Variants in DGKD observed in about 807,000 individuals in gnomAD.
DGKD encodes diacylglycerol kinase delta, also known as DAG kinase delta.
A neutral mutation model predicts 154.4 loss-of-function variants in DGKD; 68 were observed. The ratio of observed to expected loss-of-function variants is 0.44; its 90% CI spans 0.36 to 0.54. The LOEUF is 0.54. DGKD is among the 20% of genes least tolerant of loss of function. The probability of loss-of-function intolerance (pLI) is 0.00; values close to 1 mark genes in which losing one functional copy is unlikely to be tolerated. For synonymous variants in DGKD, 693 were observed against 638.0 expected (o/e 1.09, Z -1.30); for missense variants, 1,343 against 1,593.6 (o/e 0.84, Z 2.68).
At chr2:233,387,079 A>G (rs1703228268) in intron 1 of DGKD, among the ~76,000 whole-genome samples, 1 of 152,226 alleles carries the variant, frequency 6.6e-6, no homozygotes, top group Admixed American at 6.5e-5. Context: ...GGTGGATGGA[A>G]CAGGCAGCGC....
At chr2:233,432,117 C>T (rs781164145) in intron 3 of DGKD, among the ~76,000 whole-genome samples, 2 of 144,086 alleles carry the variant, frequency 1.4e-5, no homozygotes, top group Non-Finnish European at 2.9e-5. Flanking sequence ...AACTGCCAGG[C>T]GTGGTGGCTC....
At chr2:233,448,433 C>T (rs1338092143) in intron 14 of DGKD, 58 bp downstream of exon 14, 45 of 1,526,712 alleles carry the variant, frequency 2.9e-5, no homozygotes, top group Non-Finnish European at 4.0e-5. Context: ...CTTGCTCTGT[C>T]ACCAGCAGAG....
At chr2:233,374,606 AT>A (rs2125405424) in intron 1 of DGKD, among the ~76,000 whole-genome samples, 1 of 151,864 alleles carries the variant, frequency 6.6e-6, no homozygotes, top group Non-Finnish European at 1.5e-5. Context: ...AAGTGCTGAG[AT>A]TACAGGTGTG....
chr2:233,435,493 G>T (rs945746310), intron 5 of DGKD, among the ~76,000 whole-genome samples: 7 of 152,268 alleles, frequency 4.6e-5, no homozygotes, highest in African/African-American at 1.7e-4. Context: ...ATTTGTGCCC[G>T]TAAAAAAACA....
In DGKD at chr2:233,438,808, A is replaced by C. The variant is rs542123710; in HGVS notation, c.1085+429A>C. Among the ~76,000 whole-genome samples, 3 of 130,532 alleles carry C rather than the reference A, an allele frequency of 2.3e-5. No individual in the cohort carries two copies. The highest frequency in any genetic ancestry group is 5.0e-5 in the Non-Finnish European group (3 of 60,496). The allele number at this position is 130,532 out of a possible 152,430, so 85.6% of individuals were successfully genotyped here. A position where few individuals can be genotyped will look rare whatever the true frequency, so the allele number is the denominator to read the frequency against. On this transcript the variant is annotated intron_variant, in intron 9 of 29. Coordinates refer to ENST00000264057, the MANE Select transcript of DGKD (RefSeq NM_152879.3). The surrounding 1 kb of genome is among the most constrained non-coding windows in gnomAD (Gnocchi z 4.1). ...TATCTATCTATCTATCTATCTATCT[A>C]TCTATCTGTGGGTGTATTTTCCTGG...
chr2:233,432,551 C>T lies in DGKD; in HGVS notation c.349-1829C>T, dbSNP rs181304840. The stretch of plus-strand genomic sequence containing the variant: ...GCGGGCGCCTGTAGTCCCAGCTACT[C>T]GGGAGGCTGAGGCAGGAGAATGGCA... On this transcript the variant is annotated intron_variant, in intron 3 of 29. Transcript: ENST00000264057. Among the ~76,000 whole-genome samples, 7 of 152,164 alleles carry T rather than the reference C, an allele frequency of 4.6e-5. No homozygotes were observed. The East Asian group carries it at 5.8e-4, about 13-fold the overall frequency.
At chr2:233,464,798 G>GTGCTGC (rs748914424) in intron 27 of DGKD, among the ~76,000 whole-genome samples, 37 of 152,346 alleles carry the variant, frequency 2.4e-4, no homozygotes, top group South Asian at 8.3e-4. Flanking sequence ...TCTGCAGGGA[G>GTGCTGC]TGCTGGCTGA....
At chr2:233,377,005 A>AG (rs950031873) in intron 1 of DGKD, among the ~76,000 whole-genome samples, 1 of 151,666 alleles carries the variant, frequency 6.6e-6, no homozygotes, top group Admixed American at 6.6e-5. Context: ...GAAAAAAAAA[A>AG]CTAAGTTTAT....
In DGKD at chr2:233,457,354, G is replaced by A. The variant is rs1012115725; in HGVS notation, c.2580+26G>A. 1 of 1,529,458 alleles carries A rather than the reference G, an allele frequency of 6.5e-7. No individual in the cohort carries two copies. The highest frequency in any genetic ancestry group is 1.4e-5 in the African/African-American group (1 of 73,500). 94.7% of individuals were successfully genotyped at this position (1,529,458 alleles called of 1,614,324 possible). On this transcript the variant is annotated intron_variant, in intron 21 of 29. Transcript: ENST00000264057. This position sits in a 1 kb window ranked among gnomAD's most constrained non-coding sequence, Gnocchi z 5.5. The stretch of plus-strand genomic sequence containing the variant: ...GTATGTATGGGGTGTGAGCGGGTGG[G>A]CCTGAGCTCAGTGGGGAAGAGCTGT...
In DGKD at chr2:233,449,457, A is replaced by G; in HGVS notation, c.1888+81A>G. On this transcript the variant is annotated intron_variant, in intron 15 of 29. Transcript: ENST00000264057. The surrounding 1 kb of genome is among the most constrained non-coding windows in gnomAD (Gnocchi z 5.3). ...AGCGTCCCCTGAACACGGAGATGAC[A>G]GAAGGGTGCATGTTGAGAAAACCTC... 1.3e-6 allele frequency: 2 copies of G among 1,493,718 alleles called. No individual in the cohort carries two copies. The highest frequency in any genetic ancestry group is 1.8e-6 in the Non-Finnish European group (2 of 1,117,346). The allele number at this position is 1,493,718 out of a possible 1,614,324, so 92.5% of individuals were successfully genotyped here.
At chr2:233,416,277 T>C (rs2061958625) in intron 3 of DGKD, among the ~76,000 whole-genome samples, 1 of 152,254 alleles carries the variant, frequency 6.6e-6, no homozygotes, top group South Asian at 2.1e-4. Context: ...TGGTAGCCAT[T>C]CTGTGGTTTA....
rs186309966 is a variant in DGKD, at chr2:233,383,620, C to T, written c.157-4637C>T. On this transcript the variant is annotated intron_variant, in intron 1 of 29. Transcript: ENST00000264057. ...GAAGTTCTTCTGCCTTTTGCTGTAG[C>T]GCACCCAGAGTCTGCCAGGAGCTCA... is the stretch of plus-strand genomic sequence containing the variant. 2.5e-3 allele frequency among the ~76,000 whole-genome samples: 374 copies of T among 152,272 alleles called. 1 individual carries two copies. The highest frequency in any genetic ancestry group is 6.8e-3 in the Middle Eastern group (2 of 294).
chr2:233,449,475 A>G lies in DGKD; in HGVS notation c.1888+99A>G. ...AGATGACAGAAGGGTGCATGTTGAG[A>G]AAACCTCCACTGCGGCCCTCTCCAC... On this transcript the variant is annotated intron_variant, in intron 15 of 29. Transcript: ENST00000264057. This position sits in a 1 kb window ranked among gnomAD's most constrained non-coding sequence, Gnocchi z 5.3. 1 of 1,453,604 alleles carries G rather than the reference A, an allele frequency of 6.9e-7. No individual in the cohort carries two copies. The allele number at this position is 1,453,604 out of a possible 1,614,324, so 90.0% of individuals were successfully genotyped here. A position where few individuals can be genotyped will look rare whatever the true frequency, so the allele number is the denominator to read the frequency against.
chr2:233,367,481 G>T (rs774420983), intron 1 of DGKD, among the ~76,000 whole-genome samples: 1 of 151,944 alleles, frequency 6.6e-6, no homozygotes, highest in Non-Finnish European at 1.5e-5. Context: ...CGCCCACCTC[G>T]GCCTCCCAAA....
chr2:233,429,412 C>A, intron 3 of DGKD: 1 of 817,272 alleles, frequency 1.2e-6, no homozygotes, highest in Non-Finnish European at 1.5e-6. Flanking sequence ...GATAGGTAGA[C>A]AGGGACGGTG....
intron 3 of DGKD, among the ~76,000 whole-genome samples, chr2:233,393,400 G>A (rs76390143): frequency 0.012 from 1,738 of 144,166 alleles, 28 homozygotes; most frequent in African/African-American, 0.043. Flanking sequence ...ATAGTGCTGT[G>A]ATCTCGGCTC....
At chr2:233,451,352 G>A (rs1195915570) in intron 17 of DGKD, among the ~76,000 whole-genome samples, 1 of 152,146 alleles carries the variant, frequency 6.6e-6, no homozygotes, top group Admixed American at 6.5e-5. Context: ...GTGGAAAAGG[G>A]AGGTGGCCGG....
intron 1 of DGKD, among the ~76,000 whole-genome samples, chr2:233,378,717 T>G (rs1479815077): frequency 6.6e-6 from 1 of 152,262 alleles, no homozygotes; most frequent in Admixed American, 6.5e-5. Context: ...ATTTTTAGTC[T>G]GTTCTCAATT....
At chr2:233,403,993 T>G (rs1014334387) in intron 3 of DGKD, among the ~76,000 whole-genome samples, 3 of 152,216 alleles carry the variant, frequency 2.0e-5, no homozygotes, top group Non-Finnish European at 4.4e-5. Context: ...GTTATATACA[T>G]GTATAATTTT....
Sources: gnomAD v4.1 joint callset for allele counts (sites outside exome capture counted in the v4.1 genomes callset) on GRCh38, gnomAD v4.1.1 for gene constraint, Gnocchi (gnomAD v3.1) non-coding constraint, MANE v1.5 for transcripts, NCBI Gene and HGNC (gene_info 2026-07-23, HGNC 2026-07-21) for gene names.